Variants in ITPKB observed in about 807,000 individuals in gnomAD.
ITPKB encodes the protein IP3 3-kinase B.
ITPKB carries 13 observed loss-of-function variants against 69.4 expected under a neutral mutation model. That is an observed-to-expected ratio of 0.19 (90% CI 0.12 to 0.30). The LOEUF (loss-of-function observed/expected upper bound fraction) is 0.30, where lower values mean the gene tolerates loss of function less well. Among genes scored for constraint, ITPKB ranks in the 10% least tolerant of loss-of-function variants. ITPKB has a pLI of 1.00. For synonymous variants in ITPKB, 584 were observed against 513.7 expected (o/e 1.14, Z -1.85); for missense variants, 1,240 against 1,250.5 (o/e 0.99, Z 0.13).
chr1:226,697,185 C>T (rs911823453), intron 2 of ITPKB, among the ~76,000 whole-genome samples: 1 of 152,232 alleles, frequency 6.6e-6, no homozygotes, highest in East Asian at 1.9e-4. Context: ...AGGCTAGGTG[C>T]CTGTCACAAC....
chr1:226,733,797 G>C (rs1171982210), intron 2 of ITPKB, among the ~76,000 whole-genome samples: 1 of 152,054 alleles, frequency 6.6e-6, no homozygotes, highest in South Asian at 2.1e-4. Context: ...CATCGTTCTG[G>C]CAAATGGAAA....
At chr1:226,712,185 C>T (rs899073648) in intron 2 of ITPKB, among the ~76,000 whole-genome samples, 1 of 152,152 alleles carries the variant, frequency 6.6e-6, no homozygotes, top group Non-Finnish European at 1.5e-5. Flanking sequence ...AAACCACCTT[C>T]CCACCGCACG....
chr1:226,726,457 G>A (rs1411009885), intron 2 of ITPKB, among the ~76,000 whole-genome samples: 1 of 152,128 alleles, frequency 6.6e-6, no homozygotes, highest in East Asian at 1.9e-4. Flanking sequence ...TGGAAGGATC[G>A]CTTGAGCTCA....
At position 226,730,866 on chromosome 1, in the gene ITPKB, A is replaced by T. The variant is rs1054854643; in HGVS notation, c.1932+4661T>A. ...AAATCAGAAAAGTGACTCTGTAGCAATTCAGCACTTAAAAACAAAAATTCT... is the reference window on the plus strand; with the variant it reads ...AAATCAGAAAAGTGACTCTGTAGCATTTCAGCACTTAAAAACAAAAATTCT... On this transcript the variant is annotated intron_variant, in intron 2 of 7. Coordinates refer to ENST00000429204, the MANE Select transcript of ITPKB (RefSeq NM_002221.4). Among the ~76,000 whole-genome samples the T allele has an allele frequency of 3.9e-5, 6 of 152,254 alleles. No homozygotes were observed. The East Asian group carries it at 9.6e-4, about 24-fold the overall frequency.
chr1:226,635,181 TTTCC>T (rs960317243), intron 7 of ITPKB, among the ~76,000 whole-genome samples: 13 of 152,010 alleles, frequency 8.6e-5, no homozygotes, highest in Admixed American at 8.5e-4. Flanking sequence ...TCCCTCTTTC[TTTCC>T]TTCCTTCCTG....
At chr1:226,654,716 C>T (rs759745282) in intron 2 of ITPKB, among the ~76,000 whole-genome samples, 10 of 152,192 alleles carry the variant, frequency 6.6e-5, no homozygotes, top group Non-Finnish European at 1.3e-4. Context: ...CCCAACCCTC[C>T]CGTGATGCTA....
intron 2 of ITPKB, among the ~76,000 whole-genome samples, chr1:226,688,919 C>T (rs890770169): frequency 2.6e-5 from 4 of 152,170 alleles, no homozygotes; most frequent in African/African-American, 9.7e-5. Context: ...CCCCAACAAA[C>T]AAGTGCTTCC....
intron 2 of ITPKB, among the ~76,000 whole-genome samples, chr1:226,667,178 G>A (rs367551623): frequency 9.2e-5 from 14 of 152,174 alleles, no homozygotes; most frequent in African/African-American, 3.1e-4. Context: ...GGACATTCAC[G>A]TGATCTGGTG....
intron 2 of ITPKB, among the ~76,000 whole-genome samples, chr1:226,669,552 T>TG (rs1255175679): frequency 1.3e-5 from 2 of 152,210 alleles, no homozygotes; most frequent in African/African-American, 2.4e-5. Context: ...CTAATGAACT[T>TG]GGACTACTGT....
rs1669082963 is a variant in ITPKB, at chr1:226,647,392, G to T, written c.2033-12C>A. 2.5e-6 allele frequency: 4 copies of T among 1,603,968 alleles called. No homozygotes were observed. The East Asian group carries it at 6.7e-5, about 27-fold the overall frequency. ...TGCCTTGAAACTCCCTGGAGAGCAA[G>T]TGTAGAAGGTTCCTGGTCTCCGGCT... On this transcript the variant is annotated splice_polypyrimidine_tract_variant and intron_variant, in intron 3 of 7. Transcript: ENST00000429204.
chr1:226,696,058 C>T (rs772410077), intron 2 of ITPKB, among the ~76,000 whole-genome samples: 21 of 152,142 alleles, frequency 1.4e-4, no homozygotes, highest in Admixed American at 1.2e-3. Flanking sequence ...GCTACTTGCC[C>T]GGGGCACCCA....
chr1:226,650,522 C>G (rs1326311030), intron 2 of ITPKB, among the ~76,000 whole-genome samples: 1 of 152,372 alleles, frequency 6.6e-6, no homozygotes, highest in East Asian at 1.9e-4. Context: ...AATCAGGGCA[C>G]ACAATGCATG....
chr1:226,703,810 ATG>A (rs1377446423), intron 2 of ITPKB, among the ~76,000 whole-genome samples: 3 of 152,170 alleles, frequency 2.0e-5, no homozygotes, highest in Admixed American at 1.3e-4. Context: ...GGGAGAAAGG[ATG>A]TGTTTCAGTC....
Position 226,735,887 on chromosome 1 carries a change from T to C in ITPKB, c.1572A>G (p.Thr524=). The C allele has an allele frequency of 6.2e-7, 1 of 1,612,278 alleles. No homozygotes were observed. Among genetic ancestry groups the C allele is most frequent in the Non-Finnish European group, 8.5e-7 (1 of 1,178,596 alleles). The change falls in exon 2 of 8, where the codon ACA becomes ACG. Residue 524 remains threonine (T), a synonymous_variant. Transcript: ENST00000429204. ...CCCAAGTCCCCTCTGATTGCACCCC[T>C]GTGCCACGCGTCCAAGCCAAACCGG... ...EKAGLAWTRG[T]GVQSEGTWES...
intron 2 of ITPKB, among the ~76,000 whole-genome samples, chr1:226,710,041 T>C (rs984241122): frequency 6.6e-6 from 1 of 152,024 alleles, no homozygotes; most frequent in Non-Finnish European, 1.5e-5. Context: ...CACCACAAAA[T>C]TCAGCCACAT....
intron 3 of ITPKB, among the ~76,000 whole-genome samples, chr1:226,647,640 T>TACAGAGCTAGGTGAGAG (rs1669088345): frequency 6.6e-6 from 1 of 152,202 alleles, no homozygotes; most frequent in South Asian, 2.1e-4. Flanking sequence ...GCTGGAAGGG[T>TACAGAGCTAGGTGAGAG]ACAGAGCTAG....
chr1:226,703,026 T>C (rs1186293838), intron 2 of ITPKB, among the ~76,000 whole-genome samples: 1 of 152,210 alleles, frequency 6.6e-6, no homozygotes, highest in African/African-American at 2.4e-5. Context: ...AAACCAAATA[T>C]GCCCTGTGTT....
chr1:226,721,124 AC>A (rs1318813946), intron 2 of ITPKB, among the ~76,000 whole-genome samples: 1 of 151,478 alleles, frequency 6.6e-6, no homozygotes, highest in East Asian at 2.0e-4. Flanking sequence ...TGGGTGGATC[AC>A]CTGAGGTCGG....
intron 2 of ITPKB, among the ~76,000 whole-genome samples, chr1:226,697,294 T>C (rs1304943525): frequency 1.3e-5 from 2 of 152,218 alleles, no homozygotes; most frequent in African/African-American, 4.8e-5. Context: ...AGAGGCATAG[T>C]ACAGTGTCTG....
Sources: allele counts gnomAD v4.1 joint callset (sites outside exome capture counted in the v4.1 genomes callset), GRCh38; gene constraint gnomAD v4.1.1; transcripts MANE v1.5; gene names NCBI Gene and HGNC (gene_info 2026-07-23, HGNC 2026-07-21).